The following PRKG1 variants were observed in gnomAD, a reference collection of about 807,000 sequenced individuals.
The protein encoded by PRKG1 is protein kinase cGMP-dependent 1, also known as cGMP-dependent protein kinase 1.
In PRKG1, 35 loss-of-function variants were observed where a neutral mutation model predicts 88.1. The observed-to-expected ratio is 0.40, with a 90% confidence interval of 0.30 to 0.53. The LOEUF (loss-of-function observed/expected upper bound fraction) is 0.53, where lower values mean the gene tolerates loss of function less well. Among genes scored for constraint, PRKG1 ranks in the 20% least tolerant of loss-of-function variants. The pLI is 0.59. For missense variants in PRKG1, 540 were observed against 839.8 expected, an observed-to-expected ratio of 0.64 and a Z score of 4.41; for synonymous variants, 303 against 292.5, an observed-to-expected ratio of 1.04 and a Z score of -0.37.
At chr10:51,186,763 C>T (rs1361975522) in intron 2 of PRKG1, among the ~76,000 whole-genome samples, 3 of 151,762 alleles carry the variant, frequency 2.0e-5, no homozygotes, top group East Asian at 1.9e-4. Context: ...CATTTTAGAG[C>T]GTGCCCCTCA....
chr10:51,080,087 T>C (rs1329306036), intron 1 of PRKG1, among the ~76,000 whole-genome samples: 1 of 152,210 alleles, frequency 6.6e-6, no homozygotes, highest in Non-Finnish European at 1.5e-5. Flanking sequence ...GAGTTTCTAA[T>C]TTAAGGTTGA....
intron 3 of PRKG1, among the ~76,000 whole-genome samples, chr10:51,703,797 G>A (rs1267530314): frequency 2.6e-5 from 4 of 152,076 alleles, no homozygotes; most frequent in Non-Finnish European, 1.5e-5. Flanking sequence ...AAGTTTTCCA[G>A]GTAATTCTAA....
Position 51,635,787 on chromosome 10 carries a change from G to C in PRKG1, c.592+167951G>C, listed in dbSNP as rs550995415. Among the ~76,000 whole-genome samples, 14 of 152,218 alleles carry C rather than the reference G, an allele frequency of 9.2e-5. No homozygotes were observed. The South Asian group carries it at 2.3e-3, about 25-fold the overall frequency. ...AGATTAATCACTTTGTTTATCATTT[G>C]CCAATTGCTCATTTAGATGCTTTAG... is the stretch of plus-strand genomic sequence containing the variant. On this transcript the variant is annotated intron_variant, in intron 3 of 17. Coordinates refer to ENST00000373980, the MANE Select transcript of PRKG1 (RefSeq NM_006258.4).
intron 2 of PRKG1, among the ~76,000 whole-genome samples, chr10:51,458,866 C>T (rs1839664010): frequency 6.6e-6 from 1 of 152,086 alleles, no homozygotes; most frequent in Non-Finnish European, 1.5e-5. Context: ...CAGAAACCCA[C>T]ACATAAGGAG....
intron 1 of PRKG1, among the ~76,000 whole-genome samples, chr10:51,147,743 C>G (rs1845976461): frequency 6.6e-6 from 1 of 152,270 alleles, no homozygotes; most frequent in East Asian, 1.9e-4. Context: ...GTATCAAATG[C>G]TAATTATAGG....
intron 1 of PRKG1, among the ~76,000 whole-genome samples, chr10:51,096,328 A>C (rs548682114): frequency 6.6e-6 from 1 of 152,250 alleles, no homozygotes; most frequent in Non-Finnish European, 1.5e-5. Flanking sequence ...CCATGAACTA[A>C]AGACTGAGCC....
intron 7 of PRKG1, among the ~76,000 whole-genome samples, chr10:52,106,705 AAAT>A (rs57109678): frequency 0.059 from 8,315 of 139,962 alleles, 413 homozygotes; most frequent in African/African-American, 0.14. Context: ...CTCTGTCCCA[AAAT>A]AATAATAATA....
At chr10:51,978,747 T>C (rs1160697652) in intron 5 of PRKG1, among the ~76,000 whole-genome samples, 1 of 152,074 alleles carries the variant, frequency 6.6e-6, no homozygotes, top group Non-Finnish European at 1.5e-5. Context: ...GCATTCCTGA[T>C]TTGGCTCCCA....
At position 51,360,850 on chromosome 10, in the gene PRKG1, G is replaced by A. The variant is rs538421764; in HGVS notation, c.479-106873G>A. Among the ~76,000 whole-genome samples the A allele has an allele frequency of 9.9e-4, 151 of 151,914 alleles. 1 individual carries two copies. The highest frequency in any genetic ancestry group is 3.4e-3 in the African/African-American group (142 of 41,490). ...TTTCATGATAAGCTATGGCCATAGA[G>A]GTGAGATTTGTCTCTGAACAAGTCA... On this transcript the variant is annotated intron_variant, in intron 2 of 17. Transcript: ENST00000373980.
At chr10:52,156,930 A>T (rs969525186) in intron 8 of PRKG1, among the ~76,000 whole-genome samples, 4 of 151,718 alleles carry the variant, frequency 2.6e-5, no homozygotes, top group African/African-American at 9.7e-5. Flanking sequence ...GGCGTAGCCA[A>T]GCATTCTGAT....
chr10:51,477,551 C>G (rs1026878082), intron 3 of PRKG1, among the ~76,000 whole-genome samples: 2 of 151,788 alleles, frequency 1.3e-5, no homozygotes, highest in African/African-American at 4.8e-5. Context: ...AGTTCTCTTA[C>G]CTTCAAAATT....
chr10:51,830,898 T>C (rs1044733228), intron 4 of PRKG1, among the ~76,000 whole-genome samples: 6 of 152,114 alleles, frequency 3.9e-5, no homozygotes, highest in African/African-American at 7.2e-5. Context: ...TCATAACATT[T>C]AATGTTTTCA....
chr10:51,323,550 A>G (rs1841507399), intron 2 of PRKG1, among the ~76,000 whole-genome samples: 1 of 152,232 alleles, frequency 6.6e-6, no homozygotes, highest in African/African-American at 2.4e-5. Context: ...TGTCATACAC[A>G]TAGTAAGACC....
At chr10:52,101,130 T>C (rs1847283838) in intron 7 of PRKG1, among the ~76,000 whole-genome samples, 2 of 152,196 alleles carry the variant, frequency 1.3e-5, no homozygotes, top group Non-Finnish European at 2.9e-5. Context: ...AGCATATCTC[T>C]CTGCATTTTT....
chr10:51,095,318 TA>T (rs1234864704), intron 1 of PRKG1, among the ~76,000 whole-genome samples: 1 of 152,146 alleles, frequency 6.6e-6, no homozygotes, highest in Non-Finnish European at 1.5e-5. Context: ...TTTTCTCTTC[TA>T]TATGAGCTCC....
At chr10:51,116,245 A>G (rs1047248538) in intron 1 of PRKG1, among the ~76,000 whole-genome samples, 1 of 152,082 alleles carries the variant, frequency 6.6e-6, no homozygotes, top group Non-Finnish European at 1.5e-5. Context: ...ACATATAAGC[A>G]CTCTGCCCCT....
At chr10:51,234,038 T>C (rs1297296884) in intron 2 of PRKG1, among the ~76,000 whole-genome samples, 1 of 152,152 alleles carries the variant, frequency 6.6e-6, no homozygotes, top group Non-Finnish European at 1.5e-5. Flanking sequence ...ATATGGACCA[T>C]ATCAAGTTGG....
intron 9 of PRKG1, among the ~76,000 whole-genome samples, chr10:52,193,569 AAAAAAAC>A (rs1839427435): frequency 2.1e-5 from 3 of 140,788 alleles, no homozygotes; most frequent in African/African-American, 7.8e-5. Context: ...AAAACAAAAA[AAAAAAAC>A]AAAAAAAAAA....
chr10:52,035,864 G>T (rs1268224141), intron 5 of PRKG1, among the ~76,000 whole-genome samples: 1 of 152,222 alleles, frequency 6.6e-6, no homozygotes, highest in African/African-American at 2.4e-5. Flanking sequence ...GCAGACATGA[G>T]GGCTAGGCTA....
Sources: gnomAD v4.1 joint callset for allele counts (sites outside exome capture counted in the v4.1 genomes callset) on GRCh38, gnomAD v4.1.1 for gene constraint, MANE v1.5 for transcripts, NCBI Gene and HGNC (gene_info 2026-07-23, HGNC 2026-07-21) for gene names.